Variants in RAPH1 observed in about 807,000 individuals in gnomAD.
The protein encoded by RAPH1 is Ras association (RalGDS/AF-6) and pleckstrin homology domains 1.
A neutral mutation model predicts 88.1 loss-of-function variants in RAPH1; 18 were observed. That is an observed-to-expected ratio of 0.20 (90% CI 0.14 to 0.30). RAPH1 has a LOEUF of 0.30. Ranked by LOEUF, RAPH1 falls within the 10% of genes least tolerant of loss-of-function variation. The probability of loss-of-function intolerance (pLI) is 1.00; values close to 1 mark genes in which losing one functional copy is unlikely to be tolerated. For synonymous variants in RAPH1, 587 were observed against 559.0 expected (o/e 1.05, Z -0.71); for missense variants, 1,448 against 1,543.2 (o/e 0.94, Z 1.03).
At chr2:203,479,987 G>A (rs1018940518) in intron 4 of RAPH1, among the ~76,000 whole-genome samples, 4 of 147,996 alleles carry the variant, frequency 2.7e-5, no homozygotes, top group African/African-American at 7.9e-5. Context: ...GTCTCCCATG[G>A]GGAAAAAAAA....
rs974035155 is a variant in RAPH1, at chr2:203,459,741, TCAGCAG to T, written c.1092+160_1092+165del. ...CGTGGGCACCAGCTGACTTTCCACC[TCAGCAG>T]CAGCAGCAGCAGCAGTAGTAGATGA... On this transcript the variant is annotated intron_variant, in intron 7 of 13. Coordinates refer to ENST00000319170, the MANE Select transcript of RAPH1 (RefSeq NM_213589.3). 1.1e-4 allele frequency among the ~76,000 whole-genome samples: 16 copies of T among 152,054 alleles called. No homozygotes were observed. The East Asian group carries it at 2.7e-3, about 26-fold the overall frequency.
At chr2:203,509,523 T>C (rs576136680) in intron 1 of RAPH1, among the ~76,000 whole-genome samples, 5 of 152,318 alleles carry the variant, frequency 3.3e-5, no homozygotes, top group Non-Finnish European at 7.4e-5. Flanking sequence ...TTTTGATTAT[T>C]AAAACTGTGT....
intron 1 of RAPH1, among the ~76,000 whole-genome samples, chr2:203,515,685 T>C (rs1689569696): frequency 6.6e-6 from 1 of 152,126 alleles, no homozygotes; most frequent in African/African-American, 2.4e-5. Context: ...ATAAATTATA[T>C]CCAACTTCTC....
At chr2:203,445,707 C>T (rs1011642286) in intron 12 of RAPH1, 1 of 152,090 alleles carries the variant, frequency 6.6e-6, no homozygotes, top group Non-Finnish European at 1.5e-5. Context: ...GTTAAGTGAG[C>T]TATGATAACA....
At chr2:203,530,565 A>AT (rs1465280554) in intron 1 of RAPH1, among the ~76,000 whole-genome samples, 2 of 152,168 alleles carry the variant, frequency 1.3e-5, no homozygotes, top group African/African-American at 4.8e-5. Context: ...TTAGCCACGT[A>AT]TAACCATGTA....
In RAPH1 at chr2:203,439,762, G is replaced by C. The variant is rs1204691088; in HGVS notation, c.3428C>G (p.Thr1143Arg). 2 of 1,614,166 alleles carry C rather than the reference G, an allele frequency of 1.2e-6. No individual in the cohort carries two copies. The highest frequency in any genetic ancestry group is 8.5e-7 in the Non-Finnish European group (1 of 1,180,028). ...LTQAEISEQP[T>R]MATVVPQVPT... ...CACTTGTGGCACAACTGTGGCCATT[G>C]TTGGCTGCTCAGAAATCTCAGCTTG... is the stretch of plus-strand genomic sequence containing the variant. Residue 1143 changes from threonine (T) to arginine (R), a missense_variant, in exon 14 of 14, where the codon ACA (threonine) becomes AGA (arginine). By Grantham distance (71) the Thr-to-Arg change is moderately conservative (BLOSUM62 -1). This residue lies in a region of RAPH1 where 935 missense variants were observed against 890.1 expected (regional missense o/e 1.05). Coordinates refer to ENST00000319170, the MANE Select transcript of RAPH1 (RefSeq NM_213589.3).
At chr2:203,524,281 C>A (rs1268239080) in intron 1 of RAPH1, among the ~76,000 whole-genome samples, 3 of 152,082 alleles carry the variant, frequency 2.0e-5, no homozygotes, top group Non-Finnish European at 4.4e-5. Context: ...GAAAGACTGA[C>A]AATACCAAGT....
chr2:203,501,926 T>C (rs1183652666), intron 1 of RAPH1, among the ~76,000 whole-genome samples: 1 of 151,958 alleles, frequency 6.6e-6, no homozygotes, highest in East Asian at 1.9e-4. Context: ...CCTTCTGGGC[T>C]CAAGCAGTCC....
At chr2:203,533,949 C>T (rs1049793810) in intron 1 of RAPH1, among the ~76,000 whole-genome samples, 3 of 152,148 alleles carry the variant, frequency 2.0e-5, no homozygotes, top group African/African-American at 7.2e-5. Flanking sequence ...ACATTGCAAG[C>T]CAATTCCAGG....
At chr2:203,499,244 G>C (rs1033885694) in intron 1 of RAPH1, among the ~76,000 whole-genome samples, 4 of 152,160 alleles carry the variant, frequency 2.6e-5, no homozygotes, top group Admixed American at 1.3e-4. Context: ...GTTTTGTTTT[G>C]ATCTAGACTA....
At chr2:203,529,513 C>T (rs2443798) in intron 1 of RAPH1, among the ~76,000 whole-genome samples, 90,854 of 151,814 alleles carry the variant, frequency 0.6, 27,717 homozygotes, top group Middle Eastern at 0.76. Flanking sequence ...AGGCATGCGC[C>T]ACCACGCCCG....
At chr2:203,509,089 TTAA>T (rs1379941685) in intron 1 of RAPH1, among the ~76,000 whole-genome samples, 1 of 140,730 alleles carries the variant, frequency 7.1e-6, no homozygotes, top group Non-Finnish European at 1.5e-5. Flanking sequence ...TTTTTTTTTT[TTAA>T]GAGAGAGTCG....
intron 9 of RAPH1, 93 bp from the exon 10 acceptor site, chr2:203,454,633 A>G: frequency 1.2e-6 from 1 of 811,904 alleles, no homozygotes; most frequent in Non-Finnish European, 2.0e-6. Flanking sequence ...AATCAAAACT[A>G]CTTTTGCTAA....
chr2:203,528,189 T>C (rs574921493), intron 1 of RAPH1, among the ~76,000 whole-genome samples: 13 of 152,280 alleles, frequency 8.5e-5, no homozygotes, highest in Non-Finnish European at 1.8e-4. Flanking sequence ...AGAAACATGG[T>C]TAATGCATCT....
In RAPH1 at chr2:203,470,272, G is replaced by A. The variant is rs142723509; in HGVS notation, c.733-8347C>T. Reference sequence around the variant, plus strand: ...GCAAATGAGAAGGTTTTCCTGCAATGTTTCTCAGAAGAAGGGAGGTTTCCC... The same window carrying A: ...GCAAATGAGAAGGTTTTCCTGCAATATTTCTCAGAAGAAGGGAGGTTTCCC... On this transcript the variant is annotated intron_variant, in intron 4 of 13. Coordinates refer to ENST00000319170, the MANE Select transcript of RAPH1 (RefSeq NM_213589.3). 20 of 1,612,436 alleles carry A rather than the reference G, an allele frequency of 1.2e-5. 1 individual carries two copies. The highest frequency in any genetic ancestry group is 1.4e-5 in the Non-Finnish European group (17 of 1,179,506).
intron 4 of RAPH1, among the ~76,000 whole-genome samples, chr2:203,472,769 C>T (rs1246917912): frequency 6.6e-6 from 1 of 152,064 alleles, no homozygotes; most frequent in Admixed American, 6.6e-5. Flanking sequence ...TAATTCCAAA[C>T]ATCAAATTCA....
intron 1 of RAPH1, among the ~76,000 whole-genome samples, chr2:203,497,804 A>T (rs898396248): frequency 6.6e-6 from 1 of 152,190 alleles, no homozygotes; most frequent in African/African-American, 2.4e-5. Flanking sequence ...ATTTGTAACA[A>T]TATTATTTCT....
In RAPH1 at chr2:203,440,906, T is replaced by C. The variant is rs1357074940; in HGVS notation, c.2284A>G (p.Thr762Ala). The C allele has an allele frequency of 3.0e-6, 3 of 1,006,782 alleles. No homozygotes were observed. Among genetic ancestry groups the C allele is most frequent in the African/African-American group, 2.1e-5 (1 of 48,362 alleles). The allele number at this position is 1,006,782 out of a possible 1,614,324, so 62.4% of individuals were successfully genotyped here. ...GGGATAGGAGGAGGTGGGGGGGGTG[T>C]TGGGGGAGCCACCTGAGTAATATGC... Reference protein sequence around the residue: ...VQHITQVAPPTPPPPPPIPAP... With the variant: ...VQHITQVAPPAPPPPPPIPAP... The change falls in exon 14 of 14, where the codon ACA becomes GCA. Residue 762 changes from threonine (T) to alanine (A), a missense_variant. By Grantham distance (58) the Thr-to-Ala change is moderately conservative. This residue lies in a region of RAPH1 where 935 missense variants were observed against 890.1 expected (regional missense o/e 1.05). Transcript: ENST00000319170.
intron 7 of RAPH1, among the ~76,000 whole-genome samples, chr2:203,457,990 G>A (rs1447020571): frequency 6.6e-6 from 1 of 152,196 alleles, no homozygotes; most frequent in Non-Finnish European, 1.5e-5. Context: ...TCTAGGTGCA[G>A]AAAATTTATG....
Sources: gnomAD v4.1 joint callset for allele counts (sites outside exome capture counted in the v4.1 genomes callset) on GRCh38, gnomAD v4.1.1 for gene constraint, gnomAD v4.1.1 regional missense constraint, MANE v1.5 for transcripts, NCBI Gene and HGNC (gene_info 2026-07-23, HGNC 2026-07-21) for gene names.